The following SMARCAD1 variants were observed in gnomAD, a reference collection of about 807,000 sequenced individuals.
The protein encoded by SMARCAD1 is SNF2 related chromatin remodeling ATPase with DExD box 1, also known as SWI/SNF-related matrix-associated actin-dependent regulator of chromatin subfamily A containing DEAD/H box 1.
Under a neutral mutation model 127.1 loss-of-function variants are expected in SMARCAD1, and 25 were observed. That is an observed-to-expected ratio of 0.20 (90% CI 0.14 to 0.27). The LOEUF (loss-of-function observed/expected upper bound fraction) is 0.27. Ranked by LOEUF, SMARCAD1 falls within the 10% of genes least tolerant of loss-of-function variation. The probability of loss-of-function intolerance (pLI) is 1.00; values close to 1 mark genes in which losing one functional copy is unlikely to be tolerated. For synonymous variants in SMARCAD1, 400 were observed against 396.9 expected (o/e 1.01, Z -0.09); for missense variants, 807 against 1,206.0 (o/e 0.67, Z 4.90).
chr4:94,250,210 T>C (rs563481478), intron 7 of SMARCAD1, among the ~76,000 whole-genome samples: 6 of 152,120 alleles, frequency 3.9e-5, no homozygotes, highest in South Asian at 2.1e-4. Context: ...AAAAGACTCA[T>C]GCCACGCATC....
At chr4:94,285,497 TC>T (rs1754809502) in intron 23 of SMARCAD1, among the ~76,000 whole-genome samples, 1 of 152,208 alleles carries the variant, frequency 6.6e-6, no homozygotes, top group African/African-American at 2.4e-5. Context: ...CTGCATCTTT[TC>T]TTATTTAATG....
Position 94,244,693 on chromosome 4 carries a change from C to T in SMARCAD1, c.705+3687C>T, listed in dbSNP as rs111933287. ...GCAAAAATGTATGGATGGCTGCCCA[C>T]ATTTGCATTTATATTTTTACTTAGT... On this transcript the variant is annotated intron_variant, in intron 6 of 23. Transcript: ENST00000354268. 9.2e-3 allele frequency among the ~76,000 whole-genome samples: 1,397 copies of T among 151,434 alleles called. 16 individuals are homozygous for T. The highest frequency in any genetic ancestry group is 0.032 in the African/African-American group (1,301 of 41,230).
At chr4:94,277,212 G>T in intron 16 of SMARCAD1, 53 bp downstream of exon 16, 3 of 1,597,706 alleles carry the variant, frequency 1.9e-6, no homozygotes, top group South Asian at 2.2e-5. Context: ...TTTTATCTGG[G>T]CCATTCTTCT....
upstream of SMARCAD1, chr4:94,207,855 G>C (rs1741431699): frequency 6.0e-6 from 2 of 335,970 alleles, no homozygotes; most frequent in Non-Finnish European, 1.2e-5. Flanking sequence ...CTCTCAGCTG[G>C]GATCGCGCCG....
intron 15 of SMARCAD1, among the ~76,000 whole-genome samples, chr4:94,276,757 A>C (rs911000106): frequency 4.6e-5 from 7 of 152,216 alleles, no homozygotes; most frequent in Non-Finnish European, 1.0e-4. Context: ...AACTATTTAT[A>C]AATAATCTTT....
At chr4:94,236,130 A>C (rs1268322239) in intron 4 of SMARCAD1, among the ~76,000 whole-genome samples, 2 of 152,196 alleles carry the variant, frequency 1.3e-5, no homozygotes, top group Non-Finnish European at 2.9e-5. Context: ...AAAATGAAGA[A>C]GGCCAATAGG....
Position 94,280,799 on chromosome 4 carries a change from G to T in SMARCAD1, c.2607+19G>T. 6.2e-7 allele frequency: 1 copy of T among 1,609,244 alleles called. No individual in the cohort carries two copies. The highest frequency in any genetic ancestry group is 8.5e-7 in the Non-Finnish European group (1 of 1,176,698). ...ACAGAAGGTATTAAAAAAGAATGGC[G>T]TTTCTTTTGTATTTTCTCAATTACT... is the stretch of plus-strand genomic sequence containing the variant. On this transcript the variant is annotated intron_variant, in intron 20 of 23. Coordinates refer to ENST00000354268, the MANE Select transcript of SMARCAD1 (RefSeq NM_020159.5).
intron 9 of SMARCAD1, among the ~76,000 whole-genome samples, chr4:94,259,441 A>G (rs1047468312): frequency 6.6e-6 from 1 of 152,194 alleles, no homozygotes; most frequent in South Asian, 2.1e-4. Context: ...TTGTTATTAG[A>G]TAGATCTAAA....
At chr4:94,239,790 C>A (rs1747306187) in intron 5 of SMARCAD1, among the ~76,000 whole-genome samples, 1 of 152,076 alleles carries the variant, frequency 6.6e-6, no homozygotes, top group Non-Finnish European at 1.5e-5. Context: ...CAAGGCTGAT[C>A]TCGAACTCCT....
intron 3 of SMARCAD1, among the ~76,000 whole-genome samples, chr4:94,232,600 C>G (rs1229009071): frequency 6.6e-6 from 1 of 152,130 alleles, no homozygotes; most frequent in African/African-American, 2.4e-5. Context: ...GTATTTGCCT[C>G]GTTACTTTAG....
chr4:94,250,914 A>C, intron 8 of SMARCAD1, 81 bp downstream of exon 8: 1 of 1,110,528 alleles, frequency 9.0e-7, no homozygotes. Context: ...TATATAAGAA[A>C]AGCTATTAGC....
chr4:94,250,673 A>C, intron 7 of SMARCAD1, 79 bp from the exon 8 acceptor site: 1 of 916,000 alleles, frequency 1.1e-6, no homozygotes, highest in Non-Finnish European at 1.7e-6. Context: ...TGATTAACTT[A>C]TTTTTAAAAG....
At chr4:94,234,699 A>G (rs1746365409) in intron 4 of SMARCAD1, among the ~76,000 whole-genome samples, 2 of 152,190 alleles carry the variant, frequency 1.3e-5, no homozygotes, top group Admixed American at 6.5e-5. Flanking sequence ...ATTTCTGAAG[A>G]TTAATAAACA....
intron 6 of SMARCAD1, among the ~76,000 whole-genome samples, chr4:94,244,207 C>T (rs1305107503): frequency 6.6e-6 from 1 of 152,212 alleles, no homozygotes; most frequent in East Asian, 1.9e-4. Context: ...ATTATATACA[C>T]AGACCTAAAA....
At position 94,273,694 on chromosome 4, in the gene SMARCAD1, C is replaced by T; in HGVS notation, c.1650C>T (p.Ile550=). 6.2e-7 allele frequency: 1 copy of T among 1,613,494 alleles called. No homozygotes were observed. The highest frequency in any genetic ancestry group is 1.1e-5 in the South Asian group (1 of 91,032). ...AGGGTAATAATGGTCCTCATTTGATCGTTGTTCCAGCTTCAACTATAGGTT... is the reference window on the plus strand; with the variant it reads ...AGGGTAATAATGGTCCTCATTTGATTGTTGTTCCAGCTTCAACTATAGGTT... ...YQEGNNGPHL[I]VVPASTIDNW... is the part of the protein sequence containing the mutation. The change falls in exon 12 of 24, where the codon ATC becomes ATT. Residue 550 remains isoleucine, a synonymous_variant. Transcript: ENST00000354268.
Position 94,282,100 on chromosome 4 carries a change from G to GTTTTTT in SMARCAD1, c.2726+522_2726+527dup, listed in dbSNP as rs70946518. ...GAATTACATGCAAATACGTTTTTTT[G>GTTTTTT]TTTTTTTTTTTTTTTTTGAGACGGA... On this transcript the variant is annotated intron_variant, in intron 21 of 23. Coordinates refer to ENST00000354268, the MANE Select transcript of SMARCAD1 (RefSeq NM_020159.5). Among the ~76,000 whole-genome samples the GTTTTTT allele has an allele frequency of 1.6e-3, 117 of 74,960 alleles. 11 individuals carry two copies. Among genetic ancestry groups the GTTTTTT allele is most frequent in the Non-Finnish European group, 2.0e-3 (87 of 44,146 alleles). 49.2% of individuals were successfully genotyped at this position (74,960 alleles called of 152,430 possible).
intron 9 of SMARCAD1, among the ~76,000 whole-genome samples, chr4:94,256,369 T>G (rs924719089): frequency 1.3e-5 from 2 of 152,114 alleles, no homozygotes; most frequent in South Asian, 2.1e-4. Flanking sequence ...GTTTTTGTTT[T>G]GTTTTGTTTT....
intron 9 of SMARCAD1, among the ~76,000 whole-genome samples, chr4:94,260,903 C>T (rs1401180674): frequency 6.6e-6 from 1 of 151,976 alleles, no homozygotes; most frequent in Non-Finnish European, 1.5e-5. Flanking sequence ...AAAAAGACAT[C>T]AAACTTAAAT....
rs1159257671 is a variant in SMARCAD1, at chr4:94,290,460, T to C, written c.*926T>C. On this transcript the variant is annotated 3_prime_UTR_variant, in exon 24 of 24. Transcript: ENST00000354268. ...AACAGATTACTTAAAGCTATTTCAT[T>C]TCAAAGCAGACTGAATGTGACTTCA... 1 of 454,506 alleles carries C rather than the reference T, an allele frequency of 2.2e-6. No homozygotes were observed. Among genetic ancestry groups the C allele is most frequent in the Non-Finnish European group, 4.4e-6 (1 of 226,766 alleles). The allele number at this position is 454,506 out of a possible 1,614,324, so 28.2% of individuals were successfully genotyped here. A position where few individuals can be genotyped will look rare whatever the true frequency, so the allele number is the denominator to read the frequency against.
Sources: allele counts gnomAD v4.1 joint callset (sites outside exome capture counted in the v4.1 genomes callset), GRCh38; gene constraint gnomAD v4.1.1; transcripts MANE v1.5; gene names NCBI Gene and HGNC (gene_info 2026-07-23, HGNC 2026-07-21).